CYSTM1: variants seen among roughly 807,000 people sequenced by gnomAD.
CYSTM1 encodes the protein cysteine-rich transmembrane module-containing protein 1.
In CYSTM1, 4 loss-of-function variants were observed where a neutral mutation model predicts 13.1. That is an observed-to-expected ratio of 0.31 (90% CI 0.15 to 0.70). The LOEUF (loss-of-function observed/expected upper bound fraction) is 0.70. CYSTM1 is among the 30% of genes least tolerant of loss of function. The pLI is 0.72. For missense variants in CYSTM1, 96 were observed against 121.6 expected, an observed-to-expected ratio of 0.79 and a Z score of 0.99; for synonymous variants, 36 against 42.7, an observed-to-expected ratio of 0.84 and a Z score of 0.62.
chr5:140,213,296 GA>G (rs1764392447), intron 2 of CYSTM1, among the ~76,000 whole-genome samples: 1 of 151,814 alleles, frequency 6.6e-6, no homozygotes, highest in South Asian at 2.1e-4. Flanking sequence ...TTTAAAAATA[GA>G]AAAAGCTTAT....
chr5:140,209,898 G>T (rs1764343100), intron 2 of CYSTM1, among the ~76,000 whole-genome samples: 1 of 151,958 alleles, frequency 6.6e-6, no homozygotes, highest in African/African-American at 2.4e-5. Flanking sequence ...TTACTCATTT[G>T]TTGGGACCTG....
At chr5:140,209,274 T>A (rs1438005290) in intron 2 of CYSTM1, among the ~76,000 whole-genome samples, 1 of 150,792 alleles carries the variant, frequency 6.6e-6, no homozygotes, top group African/African-American at 2.4e-5. Context: ...CTTTTCTTTT[T>A]TTTTTTTTTT....
At chr5:140,221,387 C>T (rs1764486923) in intron 2 of CYSTM1, among the ~76,000 whole-genome samples, 1 of 152,200 alleles carries the variant, frequency 6.6e-6, no homozygotes, top group Non-Finnish European at 1.5e-5. Flanking sequence ...TCTCCTACCT[C>T]CAGCCCCTAG....
chr5:140,212,492 G>A (rs898784082), intron 2 of CYSTM1, among the ~76,000 whole-genome samples: 5 of 152,156 alleles, frequency 3.3e-5, no homozygotes, highest in African/African-American at 4.8e-5. Context: ...GTGGTTTGGC[G>A]TGCAGTGGCA....
At chr5:140,191,615 G>C (rs1764096456) in intron 1 of CYSTM1, among the ~76,000 whole-genome samples, 1 of 152,146 alleles carries the variant, frequency 6.6e-6, no homozygotes, top group Admixed American at 6.5e-5. Context: ...ACTGCCCATT[G>C]TTTTTAGATG....
Position 140,243,464 on chromosome 5 carries a change from G to A in CYSTM1, c.*53G>A, listed in dbSNP as rs1581077023. On this transcript the variant is annotated 3_prime_UTR_variant, in exon 3 of 3. Transcript: ENST00000261811. The stretch of plus-strand genomic sequence containing the variant: ...CCAGCTCTGCTGCCACCTCTGACAG[G>A]TGTGCCTGCCCCCATCTCTTCTGAT... 6.6e-7 allele frequency: 1 copy of A among 1,505,560 alleles called. No individual in the cohort carries two copies. Among genetic ancestry groups the A allele is most frequent in the East Asian group, 2.3e-5 (1 of 44,128 alleles). 93.3% of individuals were successfully genotyped at this position (1,505,560 alleles called of 1,614,324 possible). A position where few individuals can be genotyped will look rare whatever the true frequency, so the allele number is the denominator to read the frequency against.
At chr5:140,243,212 G>C in intron 2 of CYSTM1, 93 bp from the exon 3 acceptor site, 1 of 963,634 alleles carries the variant, frequency 1.0e-6, no homozygotes, top group South Asian at 1.3e-5. Flanking sequence ...GTTTTCCCCT[G>C]GTGTAGCCTT....
chr5:140,190,247 A>C (rs1581059812), intron 1 of CYSTM1, among the ~76,000 whole-genome samples: 1 of 151,986 alleles, frequency 6.6e-6, no homozygotes, highest in African/African-American at 2.4e-5. Context: ...TGCAAAAAAA[A>C]CCCTTATTTT....
At chr5:140,226,571 AT>A (rs1389970204) in intron 2 of CYSTM1, among the ~76,000 whole-genome samples, 6 of 101,168 alleles carry the variant, frequency 5.9e-5, no homozygotes, top group African/African-American at 2.2e-4. Context: ...ATAAATATAT[AT>A]TATATACTAA....
intron 1 of CYSTM1, among the ~76,000 whole-genome samples, chr5:140,190,733 G>C (rs1194617911): frequency 1.3e-5 from 2 of 152,198 alleles, no homozygotes; most frequent in African/African-American, 2.4e-5. Context: ...CCGTGACTCT[G>C]AGTATGTCTT....
intron 2 of CYSTM1, among the ~76,000 whole-genome samples, chr5:140,199,255 T>C (rs1051960076): frequency 1.3e-5 from 2 of 152,222 alleles, no homozygotes; most frequent in African/African-American, 4.8e-5. Context: ...TGAATAATGC[T>C]GCAATAAACA....
chr5:140,187,539 C>T (rs918889605), intron 1 of CYSTM1, among the ~76,000 whole-genome samples: 11 of 152,004 alleles, frequency 7.2e-5, no homozygotes, highest in Non-Finnish European at 8.8e-5. Flanking sequence ...GCTCAATTTT[C>T]CTATTTTTTA....
intron 2 of CYSTM1, among the ~76,000 whole-genome samples, chr5:140,216,562 T>C (rs1164717757): frequency 1.3e-5 from 2 of 152,186 alleles, no homozygotes; most frequent in Non-Finnish European, 2.9e-5. Flanking sequence ...AGGCTTACCC[T>C]GGCTCTCTGA....
intron 1 of CYSTM1, among the ~76,000 whole-genome samples, chr5:140,179,669 C>CTT (rs1554131662): frequency 3.3e-5 from 5 of 149,378 alleles, no homozygotes; most frequent in South Asian, 2.1e-4. Flanking sequence ...TCTTTCTTTT[C>CTT]TTTTCTTTTG....
At chr5:140,195,229 G>A (rs2126657725) in intron 2 of CYSTM1, among the ~76,000 whole-genome samples, 1 of 152,268 alleles carries the variant, frequency 6.6e-6, no homozygotes, top group East Asian at 1.9e-4. Flanking sequence ...TATATTATAT[G>A]TACAGAAAGT....
chr5:140,235,864 G>C (rs1246428768), intron 2 of CYSTM1, among the ~76,000 whole-genome samples: 2 of 152,226 alleles, frequency 1.3e-5, no homozygotes, highest in Non-Finnish European at 2.9e-5. Context: ...TAGCAGAAGA[G>C]TGGGTGCTGA....
chr5:140,179,620 T>C (rs1328301961), intron 1 of CYSTM1, among the ~76,000 whole-genome samples: 2 of 151,888 alleles, frequency 1.3e-5, no homozygotes, highest in African/African-American at 4.8e-5. Context: ...ATATTTCATA[T>C]ATAAATAGTA....
chr5:140,238,465 C>T (rs572830958), intron 2 of CYSTM1, among the ~76,000 whole-genome samples: 111 of 152,308 alleles, frequency 7.3e-4, no homozygotes, highest in African/African-American at 2.6e-3. Context: ...CATCCTTCGC[C>T]CTATCACTCT....
At chr5:140,197,711 G>T (rs1011808892) in intron 2 of CYSTM1, among the ~76,000 whole-genome samples, 1 of 152,192 alleles carries the variant, frequency 6.6e-6, no homozygotes, top group African/African-American at 2.4e-5. Context: ...CCAGCTGAAT[G>T]ATTTTAGATT....
Sources: allele counts gnomAD v4.1 joint callset (sites outside exome capture counted in the v4.1 genomes callset), GRCh38; gene constraint gnomAD v4.1.1; transcripts MANE v1.5; gene names NCBI Gene and HGNC (gene_info 2026-07-23, HGNC 2026-07-21).